SYT9: variants seen among roughly 807,000 people sequenced by gnomAD.
The protein encoded by SYT9 is synaptotagmin-9.
Under a neutral mutation model 48.4 loss-of-function variants are expected in SYT9, and 22 were observed. That is an observed-to-expected ratio of 0.45 (90% CI 0.32 to 0.65). The LOEUF is 0.65. SYT9 is among the 30% of genes least tolerant of loss of function. SYT9 has a pLI of 0.03. For missense variants in SYT9, 577 were observed against 622.0 expected, an observed-to-expected ratio of 0.93 and a Z score of 0.77; for synonymous variants, 265 against 245.0, an observed-to-expected ratio of 1.08 and a Z score of -0.76.
At chr11:7,293,052 G>A (rs765361803) in intron 1 of SYT9, among the ~76,000 whole-genome samples, 2 of 152,094 alleles carry the variant, frequency 1.3e-5, no homozygotes. Flanking sequence ...TGCCCCATCC[G>A]GGCAATGCAG....
Position 7,468,265 on chromosome 11 carries a change from C to G in SYT9, c.*1465C>G, listed in dbSNP as rs555243494. ...ACTGGGCGGAGGAAGGATCGTTATA[C>G]GTCTTCAGAAAGTTCTCATTGCCCC... On this transcript the variant is annotated 3_prime_UTR_variant, in exon 7 of 7. Transcript: ENST00000318881. The G allele has an allele frequency of 7.5e-6, 3 of 398,494 alleles. No individual in the cohort carries two copies. Among genetic ancestry groups the G allele is most frequent in the African/African-American group, 6.2e-5 (3 of 48,618 alleles). The allele number at this position is 398,494 out of a possible 1,614,324, so 24.7% of individuals were successfully genotyped here.
intron 3 of SYT9, among the ~76,000 whole-genome samples, chr11:7,334,748 C>A (rs766940318): frequency 1.5e-5 from 2 of 137,762 alleles, no homozygotes; most frequent in Non-Finnish European, 3.2e-5. Flanking sequence ...GAAGGTACTC[C>A]GCTTTTACTT....
At chr11:7,379,318 G>T (rs1431237724) in intron 3 of SYT9, among the ~76,000 whole-genome samples, 1 of 152,106 alleles carries the variant, frequency 6.6e-6, no homozygotes, top group Non-Finnish European at 1.5e-5. Context: ...CCAAATTCCT[G>T]TGTCAGGTGC....
At chr11:7,404,647 C>T (rs1846966780) in intron 3 of SYT9, among the ~76,000 whole-genome samples, 1 of 152,058 alleles carries the variant, frequency 6.6e-6, no homozygotes. Context: ...ATCTCAATAT[C>T]GATTTTTCAA....
chr11:7,385,450 C>A (rs975860588), intron 3 of SYT9, among the ~76,000 whole-genome samples: 42 of 151,870 alleles, frequency 2.8e-4, no homozygotes, highest in African/African-American at 9.7e-4. Flanking sequence ...GGTTTCATTT[C>A]TTTCTATAGA....
At chr11:7,382,317 T>C (rs1850580712) in intron 3 of SYT9, among the ~76,000 whole-genome samples, 1 of 152,140 alleles carries the variant, frequency 6.6e-6, no homozygotes, top group Non-Finnish European at 1.5e-5. Context: ...ATTCTAGATA[T>C]TTTTGGAAGT....
At chr11:7,264,361 C>CA (rs1369790614) in intron 1 of SYT9, among the ~76,000 whole-genome samples, 1 of 151,966 alleles carries the variant, frequency 6.6e-6, no homozygotes, top group Non-Finnish European at 1.5e-5. Context: ...GTGTTTCTTC[C>CA]ATGTTCAGCT....
At chr11:7,449,194 A>C (rs971920290) in intron 6 of SYT9, among the ~76,000 whole-genome samples, 4 of 151,888 alleles carry the variant, frequency 2.6e-5, no homozygotes, top group Non-Finnish European at 4.4e-5. Context: ...AAATACAAAA[A>C]TTAACCGGGC....
chr11:7,464,857 C>T (rs540469516), intron 6 of SYT9, among the ~76,000 whole-genome samples: 7 of 151,634 alleles, frequency 4.6e-5, no homozygotes, highest in South Asian at 2.1e-4. Flanking sequence ...CCGAGGCGGG[C>T]GGATCACGAG....
intron 3 of SYT9, among the ~76,000 whole-genome samples, chr11:7,414,065 C>T (rs1424986248): frequency 1.3e-5 from 2 of 152,144 alleles, no homozygotes; most frequent in Admixed American, 1.3e-4. Context: ...AACAAACCAC[C>T]ATACCTAGCA....
chr11:7,411,374 A>G (rs1477113850), intron 3 of SYT9, among the ~76,000 whole-genome samples: 1 of 152,036 alleles, frequency 6.6e-6, no homozygotes, highest in Non-Finnish European at 1.5e-5. Flanking sequence ...GGTAAATGTT[A>G]TCTTTTTTAT....
intron 1 of SYT9, among the ~76,000 whole-genome samples, chr11:7,283,125 T>C (rs1848531683): frequency 6.7e-6 from 1 of 148,646 alleles, no homozygotes; most frequent in Non-Finnish European, 1.5e-5. Flanking sequence ...TTACCAACTT[T>C]AGATTATATA....
intron 3 of SYT9, among the ~76,000 whole-genome samples, chr11:7,328,993 T>C (rs541619392): frequency 6.6e-6 from 1 of 152,304 alleles, no homozygotes; most frequent in Non-Finnish European, 1.5e-5. Context: ...GAGACTTCTC[T>C]GAAATTTGAT....
chr11:7,272,616 C>T (rs575080546), intron 1 of SYT9, among the ~76,000 whole-genome samples: 19 of 152,260 alleles, frequency 1.2e-4, no homozygotes, highest in Non-Finnish European at 2.8e-4. Context: ...AAGACATGAT[C>T]CTTGTCCTCA....
chr11:7,354,059 T>C (rs1331938462), intron 3 of SYT9, among the ~76,000 whole-genome samples: 1 of 152,204 alleles, frequency 6.6e-6, no homozygotes, highest in Admixed American at 6.5e-5. Context: ...AAATTTAAAT[T>C]ACATTTCAAA....
chr11:7,431,508 G>A (rs1355606632), intron 6 of SYT9, among the ~76,000 whole-genome samples: 1 of 152,262 alleles, frequency 6.6e-6, no homozygotes, highest in African/African-American at 2.4e-5. Context: ...ACTTGCTAGA[G>A]ATATTGGCAT....
chr11:7,454,325 A>G, intron 6 of SYT9: 5 of 984,240 alleles, frequency 5.1e-6, no homozygotes, highest in Non-Finnish European at 6.0e-6. Context: ...GATGCTTACC[A>G]TTTCCGCTCT....
intron 3 of SYT9, among the ~76,000 whole-genome samples, chr11:7,316,702 C>T (rs937195938): frequency 1.3e-5 from 2 of 152,196 alleles, no homozygotes; most frequent in African/African-American, 4.8e-5. Flanking sequence ...TAGATAATGA[C>T]AGTCTTTTTC....
chr11:7,445,812 C>A (rs1468579063), intron 6 of SYT9, among the ~76,000 whole-genome samples: 1 of 152,220 alleles, frequency 6.6e-6, no homozygotes, highest in African/African-American at 2.4e-5. Flanking sequence ...GTTCCTAACA[C>A]TGGAATCCCA....
Sources: gnomAD v4.1 joint callset for allele counts (sites outside exome capture counted in the v4.1 genomes callset) on GRCh38, gnomAD v4.1.1 for gene constraint, MANE v1.5 for transcripts, NCBI Gene and HGNC (gene_info 2026-07-23, HGNC 2026-07-21) for gene names.